Variants in DPP10 observed in about 807,000 individuals in gnomAD.
The protein encoded by DPP10 is inactive dipeptidyl peptidase 10.
A neutral mutation model predicts 120.9 loss-of-function variants in DPP10; 33 were observed. The observed-to-expected ratio is 0.27, with a 90% CI of 0.21 to 0.37. The LOEUF (loss-of-function observed/expected upper bound fraction) is 0.37. DPP10 is among the 10% of genes least tolerant of loss of function. DPP10 has a pLI of 1.00. For synonymous variants in DPP10, 337 were observed against 326.1 expected (o/e 1.03, Z -0.36); for missense variants, 816 against 942.8 (o/e 0.87, Z 1.76).
In DPP10 at chr2:114,543,472, T is replaced by G. The variant is rs181861467; in HGVS notation, c.60+100634T>G. On this transcript the variant is annotated intron_variant, in intron 1 of 25. Coordinates refer to ENST00000410059, the MANE Select transcript of DPP10 (RefSeq NM_020868.6). ...TGTTCATTCCTTCTTGGAATTCAGTTGAGGGTTAACTGTCTTCTCCTTTCC... is the reference window on the plus strand; with the variant it reads ...TGTTCATTCCTTCTTGGAATTCAGTGGAGGGTTAACTGTCTTCTCCTTTCC... Among the ~76,000 whole-genome samples, 4 of 152,360 alleles carry G rather than the reference T, an allele frequency of 2.6e-5. No homozygotes were observed. In the East Asian group the frequency reaches 7.7e-4, roughly 29 times the overall value.
rs906560443 is a variant in DPP10, at chr2:115,637,130, GA to G, written c.442-52548del. Among the ~76,000 whole-genome samples, 40 of 150,444 alleles carry G rather than the reference GA, an allele frequency of 2.7e-4. No individual in the cohort carries two copies. In the East Asian group the frequency reaches 6.0e-3, roughly 23 times the overall value. On this transcript the variant is annotated intron_variant, in intron 5 of 25. Coordinates refer to ENST00000410059, the MANE Select transcript of DPP10 (RefSeq NM_020868.6). ...AAATGTTAAAGGTATAATGTAAACAGAAAAAAAAATCCAGATGTGAAAGTAA... is the reference window on the plus strand; with the variant it reads ...AAATGTTAAAGGTATAATGTAAACAGAAAAAAAATCCAGATGTGAAAGTAA...
chr2:114,816,616 TA>T (rs1455187065), intron 1 of DPP10, among the ~76,000 whole-genome samples: 1 of 152,238 alleles, frequency 6.6e-6, no homozygotes, highest in African/African-American at 2.4e-5. Flanking sequence ...CTCAATTATC[TA>T]ATGTATTCAT....
In DPP10 at chr2:114,660,370, G is replaced by A. The variant is rs541367294; in HGVS notation, c.60+217532G>A. Among the ~76,000 whole-genome samples the A allele has an allele frequency of 4.0e-4, 61 of 152,206 alleles. 1 individual carries two copies. Among genetic ancestry groups the A allele is most frequent in the African/African-American group, 1.4e-3 (58 of 41,522 alleles). On this transcript the variant is annotated intron_variant, in intron 1 of 25. Transcript: ENST00000410059. Reference sequence around the variant, plus strand: ...GAGCTTCTGCAGAGAGAGATTTGTGGGAACCCTGTGTCTTACCAAAAATCA... The same window carrying A: ...GAGCTTCTGCAGAGAGAGATTTGTGAGAACCCTGTGTCTTACCAAAAATCA...
chr2:114,747,978 GT>G (rs1411682107), intron 1 of DPP10, among the ~76,000 whole-genome samples: 1 of 152,174 alleles, frequency 6.6e-6, no homozygotes, highest in East Asian at 1.9e-4. Context: ...GAAATTGAGT[GT>G]AGAGACTGAG....
At chr2:114,541,997 C>A (rs560446630) in intron 1 of DPP10, among the ~76,000 whole-genome samples, 66 of 150,578 alleles carry the variant, frequency 4.4e-4, no homozygotes, top group African/African-American at 1.2e-3. Context: ...TTTTAAAAAA[C>A]CAGTTTCTGC....
chr2:114,715,235 T>C (rs1222629885), intron 1 of DPP10, among the ~76,000 whole-genome samples: 2 of 152,186 alleles, frequency 1.3e-5, no homozygotes, highest in Admixed American at 1.3e-4. Flanking sequence ...GAAGAAAATG[T>C]CCTCTAGTGG....
chr2:114,860,065 G>A (rs977091050), intron 1 of DPP10, among the ~76,000 whole-genome samples: 1 of 152,160 alleles, frequency 6.6e-6, no homozygotes, highest in Non-Finnish European at 1.5e-5. Flanking sequence ...TTAAGTAATA[G>A]ACTAATTCAT....
At chr2:115,581,117 G>A (rs769418194) in intron 5 of DPP10, among the ~76,000 whole-genome samples, 3 of 152,078 alleles carry the variant, frequency 2.0e-5, no homozygotes, top group Admixed American at 6.6e-5. Flanking sequence ...ATTGAGTTTC[G>A]TCTTTTAGAG....
At chr2:115,431,688 A>G (rs1287880622) in intron 3 of DPP10, among the ~76,000 whole-genome samples, 1 of 152,096 alleles carries the variant, frequency 6.6e-6, no homozygotes, top group Non-Finnish European at 1.5e-5. Flanking sequence ...TCAGGGGTCT[A>G]ACCGAATCAC....
chr2:115,207,357 G>T (rs1236905657), intron 1 of DPP10, among the ~76,000 whole-genome samples: 1 of 129,906 alleles, frequency 7.7e-6, no homozygotes, highest in Non-Finnish European at 1.6e-5. Flanking sequence ...ACCCTGTATT[G>T]TGAACCGTTT....
chr2:115,637,770 A>G (rs1202777241), intron 5 of DPP10, among the ~76,000 whole-genome samples: 1 of 152,230 alleles, frequency 6.6e-6, no homozygotes, highest in Non-Finnish European at 1.5e-5. Flanking sequence ...GGAAGCCTAC[A>G]CACAGCTCTC....
At chr2:115,170,490 T>C (rs943044991) in intron 1 of DPP10, among the ~76,000 whole-genome samples, 2 of 152,158 alleles carry the variant, frequency 1.3e-5, no homozygotes, top group African/African-American at 4.8e-5. Flanking sequence ...TCTGGCAAAA[T>C]TAGTCTATAA....
chr2:115,060,881 A>G (rs1706345951), intron 1 of DPP10, among the ~76,000 whole-genome samples: 1 of 152,162 alleles, frequency 6.6e-6, no homozygotes, highest in Admixed American at 6.5e-5. Context: ...TGGGAAACCT[A>G]TGGACAAGGT....
At chr2:114,755,512 T>A (rs756579407) in intron 1 of DPP10, among the ~76,000 whole-genome samples, 2 of 152,232 alleles carry the variant, frequency 1.3e-5, no homozygotes, top group Non-Finnish European at 2.9e-5. Context: ...CTGTTTTAGG[T>A]ACTTATAATC....
chr2:115,500,849 G>A (rs540161118), intron 4 of DPP10, among the ~76,000 whole-genome samples: 1 of 151,964 alleles, frequency 6.6e-6, no homozygotes, highest in Non-Finnish European at 1.5e-5. Flanking sequence ...ACAGTATACA[G>A]CAGTGTTTAC....
At chr2:115,795,108 T>G (rs2149933914) in intron 19 of DPP10, among the ~76,000 whole-genome samples, 1 of 152,284 alleles carries the variant, frequency 6.6e-6, no homozygotes, top group East Asian at 1.9e-4. Context: ...AGACGTTCAT[T>G]TGGTAAACAA....
chr2:115,634,181 T>C (rs2086130756), intron 5 of DPP10, among the ~76,000 whole-genome samples: 1 of 152,174 alleles, frequency 6.6e-6, no homozygotes, highest in African/African-American at 2.4e-5. Context: ...GTTTAACAGC[T>C]CCTTCTGAAG....
intron 1 of DPP10, among the ~76,000 whole-genome samples, chr2:114,661,130 T>C (rs1283525052): frequency 6.6e-6 from 1 of 152,194 alleles, no homozygotes; most frequent in Non-Finnish European, 1.5e-5. Context: ...TCATTCATCT[T>C]TCCTTTCAAA....
intron 1 of DPP10, among the ~76,000 whole-genome samples, chr2:114,492,903 G>C (rs1682130740): frequency 6.6e-6 from 1 of 152,166 alleles, no homozygotes; most frequent in Non-Finnish European, 1.5e-5. Flanking sequence ...GCCATGCTAA[G>C]CACTGGGGAC....
Sources: gnomAD v4.1 joint callset for allele counts (sites outside exome capture counted in the v4.1 genomes callset) on GRCh38, gnomAD v4.1.1 for gene constraint, MANE v1.5 for transcripts, NCBI Gene and HGNC (gene_info 2026-07-23, HGNC 2026-07-21) for gene names.